Variants in ATP11C observed in about 807,000 individuals in gnomAD.
ATP11C encodes ATPase phospholipid transporting 11C (ATP11C blood group).
In ATP11C, 36 loss-of-function variants were observed where a neutral mutation model predicts 97.4. The observed-to-expected ratio is 0.37, with a 90% confidence interval of 0.28 to 0.49. The LOEUF is 0.49. ATP11C is among the 20% of genes least tolerant of loss of function. ATP11C has a pLI of 0.98. For missense variants in ATP11C, 730 were observed against 824.6 expected (o/e 0.89, Z 1.40); for synonymous variants, 275 against 290.9 (o/e 0.95, Z 0.56).
At chrX:139,901,910 A>G (rs1569488924) in intron 1 of ATP11C, among the ~76,000 whole-genome samples, 1 of 108,884 alleles carries the variant, frequency 9.2e-6, no homozygotes, top group East Asian at 2.9e-4. Flanking sequence ...TCCCTGATAG[A>G]TTTTTTTTTC....
At position 139,800,113 on chromosome X, in the gene ATP11C, G is replaced by A; in HGVS notation, c.660-3C>T. 1 of 1,175,634 alleles carries A rather than the reference G, an allele frequency of 8.5e-7. No individual in the cohort carries two copies. Among genetic ancestry groups the A allele is most frequent in the Non-Finnish European group, 1.1e-6 (1 of 872,892 alleles). On this transcript the variant is annotated splice_region_variant and splice_polypyrimidine_tract_variant and intron_variant, in intron 7 of 29. Coordinates refer to ENST00000682941, the MANE Select transcript of ATP11C (RefSeq NM_001353812.2). ...AGATATTGATTCGCCCAACAAATCT[G>A]TAAAAAGAACAAAATTGCAAATGTG...
intron 25 of ATP11C, among the ~76,000 whole-genome samples, chrX:139,745,103 G>A (rs1199732454): frequency 9.0e-6 from 1 of 111,543 alleles, no homozygotes; most frequent in Non-Finnish European, 1.9e-5. Context: ...TTCCTATTGT[G>A]TGGCTGCAGA....
rs991555042 is a variant in ATP11C at position 139,806,550 on chromosome X, A to G, written c.427-1951T>C. Among the ~76,000 whole-genome samples, 3 of 111,441 alleles carry G rather than the reference A, an allele frequency of 2.7e-5. No individual in the cohort carries two copies. In the Admixed American group the frequency reaches 2.9e-4, roughly 11 times the overall value. On this transcript the variant is annotated intron_variant, in intron 5 of 29. Coordinates refer to ENST00000682941, the MANE Select transcript of ATP11C (RefSeq NM_001353812.2). ...AGAAGGAAGAGATGGCTACCATGAA[A>G]GTGGGTAAGAAGAAAACAACTAGAT... is the stretch of plus-strand genomic sequence containing the variant.
chrX:139,921,392 T>A (rs1368344003), intron 1 of ATP11C, among the ~76,000 whole-genome samples: 1 of 111,463 alleles, frequency 9.0e-6, no homozygotes, highest in Non-Finnish European at 1.9e-5. Flanking sequence ...TCGGCACTTC[T>A]CCTTCCTGCC....
chrX:139,834,843 C>T (rs2147908203), intron 1 of ATP11C, among the ~76,000 whole-genome samples: 1 of 111,975 alleles, frequency 8.9e-6, no homozygotes, highest in African/African-American at 3.2e-5. Flanking sequence ...TGGTTATTCA[C>T]AATGCATACC....
At chrX:139,896,546 T>TACACACACACACAC (rs61153084) in intron 1 of ATP11C, among the ~76,000 whole-genome samples, 1 of 79,810 alleles carries the variant, frequency 1.3e-5, no homozygotes, top group Non-Finnish European at 2.4e-5. Context: ...GTTAATTTTA[T>TACACACACACACAC]ACACACACAC....
At position 139,743,542 on chromosome X, in the gene ATP11C, A is replaced by G; in HGVS notation, c.3030+17T>C. On this transcript the variant is annotated intron_variant, in intron 26 of 29. Coordinates refer to ENST00000682941, the MANE Select transcript of ATP11C (RefSeq NM_001353812.2). ...AAAAACAGTATTAAAAAATACATGA[A>G]TAAGTAAAAATCTAACCTTCAGGGT... The G allele has an allele frequency of 1.9e-6, 2 of 1,063,993 alleles. No homozygotes were observed. Among genetic ancestry groups the G allele is most frequent in the Non-Finnish European group, 2.6e-6 (2 of 780,667 alleles). 87.7% of individuals were successfully genotyped at this position (1,063,993 alleles called of 1,213,427 possible).
At chrX:139,845,398 T>C (rs748006031) in intron 1 of ATP11C, among the ~76,000 whole-genome samples, 2 of 112,258 alleles carry the variant, frequency 1.8e-5, no homozygotes, top group Non-Finnish European at 3.8e-5. Context: ...TTATTAACAA[T>C]AAATGTTTAA....
At chrX:139,842,279 A>G (rs1180693404) in intron 1 of ATP11C, among the ~76,000 whole-genome samples, 1 of 112,124 alleles carries the variant, frequency 8.9e-6, no homozygotes, top group East Asian at 2.8e-4. Flanking sequence ...TGATCTGCCC[A>G]CCTCAGCCTC....
Position 139,763,363 on chromosome X carries a change from T to A in ATP11C, c.2447A>T (p.Asp816Val). The A allele has an allele frequency of 8.3e-7, 1 of 1,210,998 alleles. No individual in the cohort carries two copies. ...KGSPITLSIGDGANDVSMILE... is the reference protein window; with the variant it reads ...KGSPITLSIGVGANDVSMILE... Reference sequence around the variant, plus strand: ...GATCATACTAACATCATTGGCACCATCACCTATCGACAGAGTTATTGGGCT... The same window carrying A: ...GATCATACTAACATCATTGGCACCAACACCTATCGACAGAGTTATTGGGCT... The change falls in exon 21 of 30, where the codon GAT (aspartate) becomes GTT (valine). Residue 816 changes from aspartate to valine, a missense_variant. Asp to Val is a radical substitution (Grantham distance 152). Transcript: ENST00000682941.
At position 139,819,323 on chromosome X, in the gene ATP11C, T is replaced by C. The variant is rs763394059; in HGVS notation, c.237+15A>G. The C allele has an allele frequency of 1.1e-6, 1 of 901,580 alleles. No individual in the cohort carries two copies. The highest frequency in any genetic ancestry group is 3.4e-5 in the Admixed American group (1 of 29,719). The allele number at this position is 901,580 out of a possible 1,213,427, so 74.3% of individuals were successfully genotyped here. On this transcript the variant is annotated intron_variant, in intron 3 of 29. Coordinates refer to ENST00000682941, the MANE Select transcript of ATP11C (RefSeq NM_001353812.2). ...AAGTTTCTAAAAGTTAAGTGGCTGT[T>C]TAAGGAGCTCTTACCTGTACAAGGA...
intron 1 of ATP11C, among the ~76,000 whole-genome samples, chrX:139,840,203 G>C (rs2083806792): frequency 8.9e-6 from 1 of 112,326 alleles, no homozygotes; most frequent in African/African-American, 3.2e-5. Flanking sequence ...TTTACTAAAA[G>C]AAATCCTGTG....
At chrX:139,827,289 T>G (rs1197943238) in intron 1 of ATP11C, among the ~76,000 whole-genome samples, 2 of 111,943 alleles carry the variant, frequency 1.8e-5, no homozygotes, top group South Asian at 3.7e-4. Context: ...ACAAAATAAT[T>G]GTGTATAAGT....
chrX:139,822,424 T>TTTGTTTG (rs749176314), intron 2 of ATP11C, among the ~76,000 whole-genome samples: 17 of 81,974 alleles, frequency 2.1e-4, no homozygotes, highest in African/African-American at 1.7e-3. Flanking sequence ...TGTTTGTTTG[T>TTTGTTTG]TTTTTTTGAG....
At chrX:139,785,204 T>G (rs2082547435) in intron 16 of ATP11C, 22 bp downstream of exon 16, 1 of 1,149,029 alleles carries the variant, frequency 8.7e-7, no homozygotes. Context: ...AAGAGAAAAA[T>G]TCAAGCTTTT....
chrX:139,872,997 T>C (rs746111570), intron 1 of ATP11C, among the ~76,000 whole-genome samples: 6 of 112,512 alleles, frequency 5.3e-5, no homozygotes, highest in Non-Finnish European at 9.4e-5. Context: ...CAAATATTAA[T>C]CTAGTTGTAT....
intron 1 of ATP11C, among the ~76,000 whole-genome samples, chrX:139,904,529 G>A (rs1569489478): frequency 9.0e-6 from 1 of 111,348 alleles, no homozygotes; most frequent in South Asian, 3.8e-4. Context: ...ACTCCATCTC[G>A]AAAAAATAAT....
chrX:139,822,489 C>T (rs2083434208), intron 2 of ATP11C, among the ~76,000 whole-genome samples: 1 of 111,529 alleles, frequency 9.0e-6, no homozygotes, highest in South Asian at 3.8e-4. Flanking sequence ...TCTCAGCTCA[C>T]TGCAACCTCC....
intron 28 of ATP11C, among the ~76,000 whole-genome samples, chrX:139,737,406 A>C (rs1223201391): frequency 9.0e-6 from 1 of 111,190 alleles, no homozygotes; most frequent in Admixed American, 9.6e-5. Context: ...AACCACATCC[A>C]GGGAATTCTC....
Sources: gnomAD v4.1 joint callset for allele counts (sites outside exome capture counted in the v4.1 genomes callset) on GRCh38, gnomAD v4.1.1 for gene constraint, MANE v1.5 for transcripts, NCBI Gene and HGNC (gene_info 2026-07-23, HGNC 2026-07-21) for gene names.